PARD3: variants seen among roughly 807,000 people sequenced by gnomAD.
PARD3 encodes the protein par-3 family cell polarity regulator, also known as partitioning defective 3 homolog.
A neutral mutation model predicts 155.4 loss-of-function variants in PARD3; 75 were observed. The ratio of observed to expected loss-of-function variants is 0.48; its 90% CI spans 0.40 to 0.58. The LOEUF is 0.58. Among genes scored for constraint, PARD3 ranks in the 20% least tolerant of loss-of-function variants. The pLI is 0.00. For missense variants in PARD3, 1,642 were observed against 1,721.7 expected (o/e 0.95, Z 0.82); for synonymous variants, 576 against 610.5 (o/e 0.94, Z 0.83).
At chr10:34,290,079 T>G (rs1956601726) in intron 20 of PARD3, among the ~76,000 whole-genome samples, 1 of 152,216 alleles carries the variant, frequency 6.6e-6, no homozygotes, top group Non-Finnish European at 1.5e-5. Context: ...TATTGAAATA[T>G]TTTACTATTT....
chr10:34,436,433 T>C (rs2076191821), intron 5 of PARD3, among the ~76,000 whole-genome samples: 1 of 152,220 alleles, frequency 6.6e-6, no homozygotes, highest in Non-Finnish European at 1.5e-5. Flanking sequence ...ATAGACTGCA[T>C]ACAACATCAT....
At chr10:34,600,221 C>T (rs1381194256) in intron 2 of PARD3, among the ~76,000 whole-genome samples, 4 of 151,562 alleles carry the variant, frequency 2.6e-5, no homozygotes, top group South Asian at 2.1e-4. Flanking sequence ...TGTCACCAGC[C>T]GGTAGTCCTA....
At chr10:34,784,443 C>CT (rs936219571) in intron 1 of PARD3, among the ~76,000 whole-genome samples, 234 of 128,130 alleles carry the variant, frequency 1.8e-3, no homozygotes, top group South Asian at 4.2e-3. Context: ...TTCCAACATA[C>CT]TTTTTTTTTT....
intron 5 of PARD3, among the ~76,000 whole-genome samples, chr10:34,446,998 C>T (rs2076772808): frequency 6.6e-6 from 1 of 151,894 alleles, no homozygotes; most frequent in Admixed American, 6.6e-5. Flanking sequence ...AGCAACTAAA[C>T]CCTCTCTGAG....
intron 6 of PARD3, 150 bp downstream of exon 6, chr10:34,401,676 G>T: frequency 1.5e-6 from 1 of 667,474 alleles, no homozygotes; most frequent in East Asian, 2.6e-5. Context: ...CTCAAGAGAT[G>T]AAAGATGTTC....
intron 22 of PARD3, among the ~76,000 whole-genome samples, chr10:34,210,086 T>C (rs1588769133): frequency 2.0e-5 from 3 of 152,334 alleles, no homozygotes; most frequent in Non-Finnish European, 2.9e-5. Flanking sequence ...ATGTGAGTGA[T>C]ACTGTGTCTT....
rs145315316 is a variant in PARD3, at chr10:34,293,434, TTC to T, written c.3066-9191_3066-9190del. Among the ~76,000 whole-genome samples, 405 of 152,286 alleles carry T rather than the reference TTC, an allele frequency of 2.7e-3. 2 individuals are homozygous for T. The highest frequency in any genetic ancestry group is 8.9e-3 in the African/African-American group (372 of 41,574). On this transcript the variant is annotated intron_variant, in intron 20 of 24. Coordinates refer to ENST00000374788, the MANE Select transcript of PARD3 (RefSeq NM_001184785.2). ...AATGCAAATAATAATCACATTATAT[TTC>T]TGTTTCTCCCAACTAAATTGACGTT...
chr10:34,359,221 A>T lies in PARD3; in HGVS notation c.1993T>A (p.Ser665Thr). 1 of 1,613,834 alleles carries T rather than the reference A, an allele frequency of 6.2e-7. No individual in the cohort carries two copies. The highest frequency in any genetic ancestry group is 8.5e-7 in the Non-Finnish European group (1 of 1,179,796). ...NQDAMETLRRSMSTEGNKRGM... is the reference protein window; with the variant it reads ...NQDAMETLRRTMSTEGNKRGM... ...CGTTTATTGCCTTCAGTAGACATAG[A>T]CCTTCTTAGGGTTTCCATGGCATCT... The change falls in exon 14 of 25, where the codon TCT (serine) becomes ACT (threonine). Residue 665 changes from serine to threonine, a missense_variant. Physicochemically the swap from Ser to Thr is moderately conservative, Grantham distance 58. Around this residue, in one of 3 missense-constraint regions of PARD3, gnomAD observed 1,529 missense variants for 1,587.3 expected, o/e 0.96. Coordinates refer to ENST00000374788, the MANE Select transcript of PARD3 (RefSeq NM_001184785.2).
chr10:34,287,083 A>C (rs752551389), intron 20 of PARD3, among the ~76,000 whole-genome samples: 42 of 152,034 alleles, frequency 2.8e-4, no homozygotes, highest in Non-Finnish European at 4.7e-4. Flanking sequence ...TAACGGCAAA[A>C]ATTCAAGGGA....
At chr10:34,354,303 G>A (rs1284341213) in intron 14 of PARD3, among the ~76,000 whole-genome samples, 4 of 151,862 alleles carry the variant, frequency 2.6e-5, no homozygotes, top group Admixed American at 2.0e-4. Context: ...GCGTGAACCC[G>A]GGAGGCGGAG....
chr10:34,743,285 C>G (rs1245631728), intron 1 of PARD3, among the ~76,000 whole-genome samples: 1 of 152,222 alleles, frequency 6.6e-6, no homozygotes, highest in East Asian at 1.9e-4. Context: ...ACTAGACACA[C>G]AACTTGTCAA....
intron 6 of PARD3, among the ~76,000 whole-genome samples, chr10:34,400,068 T>G (rs1213124700): frequency 1.3e-5 from 2 of 152,198 alleles, no homozygotes; most frequent in African/African-American, 4.8e-5. Flanking sequence ...GTGCTACAAG[T>G]GCAGCTTACA....
chr10:34,148,768 TTC>T (rs35884098), intron 22 of PARD3, among the ~76,000 whole-genome samples: 29,397 of 152,148 alleles, frequency 0.19, 3,521 homozygotes, highest in Middle Eastern at 0.38. Context: ...AAGGTGTTAA[TTC>T]TCTGTCTTTC....
intron 7 of PARD3, among the ~76,000 whole-genome samples, chr10:34,393,548 C>T (rs1205193993): frequency 2.0e-5 from 3 of 149,808 alleles, no homozygotes; most frequent in African/African-American, 4.9e-5. Flanking sequence ...CCAGCCCGGG[C>T]AACAGAGTGA....
chr10:34,382,410 C>A, intron 9 of PARD3, 130 bp downstream of exon 9: 3 of 863,362 alleles, frequency 3.5e-6, no homozygotes, highest in Non-Finnish European at 5.4e-6. Context: ...AGTTCTTTCA[C>A]AAAATAATTA....
intron 6 of PARD3, 136 bp downstream of exon 6, chr10:34,401,690 A>G: frequency 1.4e-6 from 1 of 699,840 alleles, no homozygotes; most frequent in Admixed American, 2.0e-5. Flanking sequence ...GATGTTCTTT[A>G]GAAAAACAAA....
chr10:34,335,022 T>C (rs748127540), intron 18 of PARD3, among the ~76,000 whole-genome samples: 1 of 151,920 alleles, frequency 6.6e-6, no homozygotes, highest in Non-Finnish European at 1.5e-5. Flanking sequence ...TTTATGACTG[T>C]TTACTTGGAT....
At position 34,337,440 on chromosome 10, in the gene PARD3, A is replaced by G. The variant is rs1836307865; in HGVS notation, c.2409-14T>C. On this transcript the variant is annotated splice_polypyrimidine_tract_variant and intron_variant, in intron 16 of 24. Coordinates refer to ENST00000374788, the MANE Select transcript of PARD3 (RefSeq NM_001184785.2). ...GGACTCAAAGAGCTGGAGTGAAGAA[A>G]AAATAAAAATAAAAATATTTACTAA... is the stretch of plus-strand genomic sequence containing the variant. 1 of 1,505,944 alleles carries G rather than the reference A, an allele frequency of 6.6e-7. No individual in the cohort carries two copies. The highest frequency in any genetic ancestry group is 8.9e-7 in the Non-Finnish European group (1 of 1,127,760). 93.3% of individuals were successfully genotyped at this position (1,505,944 alleles called of 1,614,324 possible).
At chr10:34,428,312 C>T (rs554891836) in intron 5 of PARD3, among the ~76,000 whole-genome samples, 1 of 152,252 alleles carries the variant, frequency 6.6e-6, no homozygotes, top group South Asian at 2.1e-4. Context: ...TAACTAAAAG[C>T]TCTTCATCTA....
Sources: gnomAD v4.1 joint callset for allele counts (sites outside exome capture counted in the v4.1 genomes callset) on GRCh38, gnomAD v4.1.1 for gene constraint, gnomAD v4.1.1 regional missense constraint, MANE v1.5 for transcripts, NCBI Gene and HGNC (gene_info 2026-07-23, HGNC 2026-07-21) for gene names.